The following HMGA1 variants were observed in gnomAD, a reference collection of about 807,000 sequenced individuals.
HMGA1 encodes the protein high mobility group protein HMG-I/HMG-Y.
HMGA1 carries 1 observed loss-of-function variant against 15.1 expected under a neutral mutation model. That is an observed-to-expected ratio of 0.07 (90% CI 0.02 to 0.31). HMGA1 has a LOEUF of 0.31. HMGA1 is among the 10% of genes least tolerant of loss of function. The pLI is 1.00. For synonymous variants in HMGA1, 56 were observed against 54.8 expected (o/e 1.02, Z -0.10); for missense variants, 94 against 141.4 (o/e 0.66, Z 1.70).
chr6:34,245,587 G>C lies in HMGA1; in HGVS notation c.*703G>C, dbSNP rs145849177. Reference sequence around the variant, plus strand: ...TGTGGCCACAGCCCCCTTGCCCTCCGCCTGGGATCTGAGTACATATTGTGG... The same window carrying C: ...TGTGGCCACAGCCCCCTTGCCCTCCCCCTGGGATCTGAGTACATATTGTGG... On this transcript the variant is annotated 3_prime_UTR_variant, in exon 6 of 6. Coordinates refer to ENST00000311487, the MANE Select transcript of HMGA1 (RefSeq NM_145899.3). 1 of 1,380,696 alleles carries C rather than the reference G, an allele frequency of 7.2e-7. No individual in the cohort carries two copies. Among genetic ancestry groups the C allele is most frequent in the African/African-American group, 1.4e-5 (1 of 69,568 alleles). 85.5% of individuals were successfully genotyped at this position (1,380,696 alleles called of 1,614,324 possible).
chr6:34,237,093 A>G, intron 1 of HMGA1, 111 bp from the exon 2 acceptor site: 1 of 151,882 alleles, frequency 6.6e-6, no homozygotes, highest in Non-Finnish European at 1.5e-5. Flanking sequence ...GGGAGGGGGA[A>G]TATTTTTGTC....
At chr6:34,240,345 G>A (rs1260927613) in intron 2 of HMGA1, among the ~76,000 whole-genome samples, 1 of 152,222 alleles carries the variant, frequency 6.6e-6, no homozygotes, top group Admixed American at 6.5e-5. Context: ...AAGGGCAGCA[G>A]TTGACTACAG....
intron 2 of HMGA1, among the ~76,000 whole-genome samples, chr6:34,238,185 C>T (rs114529313): frequency 0.011 from 1,684 of 152,234 alleles, 29 homozygotes; most frequent in African/African-American, 0.038. Flanking sequence ...GGGCCGGGTG[C>T]ACCCGCGTGG....
chr6:34,241,701 G>A (rs935081142), intron 3 of HMGA1, among the ~76,000 whole-genome samples: 9 of 152,240 alleles, frequency 5.9e-5, no homozygotes, highest in Non-Finnish European at 1.2e-4. Context: ...TCACCCAAGT[G>A]AAGGGTGGCT....
Position 34,245,572 on chromosome 6 carries a change from G to A in HMGA1, c.*688G>A, listed in dbSNP as rs527784847. The A allele has an allele frequency of 9.1e-5, 125 of 1,379,792 alleles. No homozygotes were observed. In the African/African-American group the frequency reaches 1.7e-3, roughly 19 times the overall value. The allele number at this position is 1,379,792 out of a possible 1,614,324, so 85.5% of individuals were successfully genotyped here. On this transcript the variant is annotated 3_prime_UTR_variant, in exon 6 of 6. Coordinates refer to ENST00000311487, the MANE Select transcript of HMGA1 (RefSeq NM_145899.3). ...CTACTCCCTCTTCACTGTGGCCACA[G>A]CCCCCTTGCCCTCCGCCTGGGATCT...
chr6:34,242,638 G>A, intron 3 of HMGA1, 74 bp from the exon 4 acceptor site: 2 of 1,004,406 alleles, frequency 2.0e-6, no homozygotes, highest in East Asian at 5.2e-5. Context: ...TTGTTGAGGA[G>A]GCAGAGGGCT....
At chr6:34,237,556 C>CG (rs1183509413) in intron 2 of HMGA1, among the ~76,000 whole-genome samples, 1 of 144,524 alleles carries the variant, frequency 6.9e-6, no homozygotes, top group Non-Finnish European at 1.5e-5. Context: ...GGGCGCCCTG[C>CG]GGGGGGCGGG....
chr6:34,243,532 C>T lies in HMGA1; in HGVS notation c.270+14C>T, dbSNP rs1049681035. ...CCCAAAAAACTGGTAGGTGAAGAAG[C>T]AGACTGCTGCTTGCCTCCTGGGCTC... On this transcript the variant is annotated intron_variant, in intron 5 of 5. Coordinates refer to ENST00000311487, the MANE Select transcript of HMGA1 (RefSeq NM_145899.3). 5.0e-6 allele frequency: 8 copies of T among 1,603,910 alleles called. No homozygotes were observed. In the African/African-American group the frequency reaches 9.6e-5, roughly 19 times the overall value.
At chr6:34,239,245 T>C (rs1051959807) in intron 2 of HMGA1, among the ~76,000 whole-genome samples, 15 of 151,930 alleles carry the variant, frequency 9.9e-5, no homozygotes, top group African/African-American at 3.4e-4. Context: ...TTTCCTCTCA[T>C]TGGGGTAAAA....
intron 1 of HMGA1, 49 bp downstream of exon 1, chr6:34,237,012 T>A (rs970426428): frequency 1.1e-4 from 16 of 152,050 alleles, no homozygotes; most frequent in Non-Finnish European, 5.9e-5. Flanking sequence ...ATCTATAATT[T>A]AATTAAATTA....
At chr6:34,242,915 C>T (rs914917166) in intron 4 of HMGA1, 120 bp downstream of exon 4, 20 of 752,450 alleles carry the variant, frequency 2.7e-5, no homozygotes, top group African/African-American at 1.6e-4. Context: ...GTTGTGTACC[C>T]CCTTCCCTGG....
chr6:34,237,110 C>G (rs1241158774), intron 1 of HMGA1, 94 bp from the exon 2 acceptor site: 2 of 152,110 alleles, frequency 1.3e-5, no homozygotes, highest in Non-Finnish European at 2.9e-5. Context: ...TGTCCCCCCG[C>G]CTGGCTGTGA....
rs774130000 is a variant in HMGA1 at position 34,242,729 on chromosome 6, G to C, written c.153G>C (p.Val51=). The C allele has an allele frequency of 1.3e-6, 2 of 1,587,058 alleles. No individual in the cohort carries two copies. Among genetic ancestry groups the C allele is most frequent in the South Asian group, 2.3e-5 (2 of 87,426 alleles). The change falls in exon 4 of 6, where the codon GTG becomes GTC. Residue 51 remains valine (V), a synonymous_variant. Coordinates refer to ENST00000311487, the MANE Select transcript of HMGA1 (RefSeq NM_145899.3). ...CTTTACAGAAGGAGCCCAGCGAAGT[G>C]CCAACACCTAAGAGACCTCGGGGCC... ...LVGSQKEPSE[V]PTPKRPRGRP...
At chr6:34,238,526 A>G (rs1220862157) in intron 2 of HMGA1, among the ~76,000 whole-genome samples, 1 of 152,240 alleles carries the variant, frequency 6.6e-6, no homozygotes, top group Non-Finnish European at 1.5e-5. Flanking sequence ...GGAACCCCCA[A>G]GATAATTTCC....
intron 3 of HMGA1, among the ~76,000 whole-genome samples, chr6:34,241,746 G>T (rs947650917): frequency 1.3e-5 from 2 of 152,254 alleles, no homozygotes; most frequent in African/African-American, 4.8e-5. Flanking sequence ...TTCCCTGGGA[G>T]AGAGGTAAGA....
At position 34,245,465 on chromosome 6, in the gene HMGA1, T is replaced by A; in HGVS notation, c.*581T>A. The A allele has an allele frequency of 2.9e-6, 4 of 1,377,786 alleles. No individual in the cohort carries two copies. Among genetic ancestry groups the A allele is most frequent in the Non-Finnish European group, 3.9e-6 (4 of 1,037,654 alleles). 85.3% of individuals were successfully genotyped at this position (1,377,786 alleles called of 1,614,324 possible). ...TTTGTCACCACGTGGGGCTCACTTTTCATCCTTCCCCAACTTCCCTAGTCC... is the reference window on the plus strand; with the variant it reads ...TTTGTCACCACGTGGGGCTCACTTTACATCCTTCCCCAACTTCCCTAGTCC... On this transcript the variant is annotated 3_prime_UTR_variant, in exon 6 of 6. Transcript: ENST00000311487.
At chr6:34,242,957 G>A (rs1189262520) in intron 4 of HMGA1, among the ~76,000 whole-genome samples, 162 bp downstream of exon 4, 1 of 152,124 alleles carries the variant, frequency 6.6e-6, no homozygotes, top group African/African-American at 2.4e-5. Context: ...TTGCTAACTG[G>A]GGAGAGTGGG....
chr6:34,244,227 CAA>C (rs1762534451), intron 5 of HMGA1, among the ~76,000 whole-genome samples: 1 of 152,080 alleles, frequency 6.6e-6, no homozygotes, highest in Non-Finnish European at 1.5e-5. Flanking sequence ...TAACAGGAAA[CAA>C]GTTGTTTTGG....
intron 3 of HMGA1, among the ~76,000 whole-genome samples, 178 bp from the exon 4 acceptor site, chr6:34,242,534 C>T (rs1762389520): frequency 6.6e-6 from 1 of 152,074 alleles, no homozygotes; most frequent in Non-Finnish European, 1.5e-5. Context: ...AGGTGGGAGG[C>T]ACTTTGCAAA....
Sources: gnomAD v4.1 joint callset for allele counts (sites outside exome capture counted in the v4.1 genomes callset) on GRCh38, gnomAD v4.1.1 for gene constraint, MANE v1.5 for transcripts, NCBI Gene and HGNC (gene_info 2026-07-23, HGNC 2026-07-21) for gene names.